The following IL17F variants were observed in gnomAD, a reference collection of about 807,000 sequenced individuals.
IL17F encodes the protein interleukin-17F.
In IL17F, 6 loss-of-function variants were observed where a neutral mutation model predicts 8.3. The ratio of observed to expected loss-of-function variants is 0.73; its 90% CI spans 0.40 to 1.43. The LOEUF (loss-of-function observed/expected upper bound fraction) is 1.43, where lower values mean the gene tolerates loss of function less well. Ranked by LOEUF, IL17F falls within the 40% of genes most tolerant of loss-of-function variation. IL17F has a pLI of 0.02. For synonymous variants in IL17F, 98 were observed against 81.6 expected, an observed-to-expected ratio of 1.20 and a Z score of -1.08; for missense variants, 204 against 209.6, an observed-to-expected ratio of 0.97 and a Z score of 0.17.
In IL17F at chr6:52,238,770, G is replaced by A. The variant is rs764500129; in HGVS notation, c.214C>T (p.Arg72Cys). Residue 72 changes from arginine (R) to cysteine (C), a missense_variant, in exon 2 of 3, where the codon CGT (arginine) becomes TGT (cysteine). Physicochemically the swap from Arg to Cys is radical, Grantham distance 180 (BLOSUM62 -3). Coordinates refer to ENST00000336123, the MANE Select transcript of IL17F (RefSeq NM_052872.4). ...INENQRVSMS[R>C]NIESRSTSPW... ...GAGGTGGAGCGGCTCTCGATGTTACGTGACATGGAAACGCGCTGGTTTTCA... is the reference window on the plus strand; with the variant it reads ...GAGGTGGAGCGGCTCTCGATGTTACATGACATGGAAACGCGCTGGTTTTCA... 3.5e-5 allele frequency: 56 copies of A among 1,614,036 alleles called. No individual in the cohort carries two copies. The Admixed American group carries it at 4.0e-4, about 12-fold the overall frequency.
rs1562359139 is a variant in IL17F at position 52,238,798 on chromosome 6, G to A, written c.186C>T (p.Ile62=). 6.2e-7 allele frequency: 1 copy of A among 1,614,178 alleles called. No homozygotes were observed. Among genetic ancestry groups the A allele is most frequent in the East Asian group, 2.2e-5 (1 of 44,884 alleles). ...ACATGGAAACGCGCTGGTTTTCATT[G>A]ATGATGCCAATGTCAAGCTTCATAC... ...GGSMKLDIGI[I]NENQRVSMSR... Residue 62 remains isoleucine, a synonymous_variant, in exon 2 of 3, where the codon ATC becomes ATT. Coordinates refer to ENST00000336123, the MANE Select transcript of IL17F (RefSeq NM_052872.4).
intron 1 of IL17F, 135 bp downstream of exon 1, chr6:52,244,262 G>T: frequency 1.1e-6 from 1 of 886,498 alleles, no homozygotes; most frequent in Non-Finnish European, 1.9e-6. Context: ...CCAGACAGGA[G>T]TCAAAATTAA....
intron 1 of IL17F, among the ~76,000 whole-genome samples, chr6:52,243,731 C>T (rs990523427): frequency 6.6e-6 from 1 of 152,184 alleles, no homozygotes; most frequent in Non-Finnish European, 1.5e-5. Flanking sequence ...CACACACTAA[C>T]ACCACCTGGG....
At chr6:52,244,158 GT>G (rs1369242032) in intron 1 of IL17F, among the ~76,000 whole-genome samples, 1 of 152,100 alleles carries the variant, frequency 6.6e-6, no homozygotes, top group African/African-American at 2.4e-5. Context: ...GCCTCCTAAA[GT>G]GCTGGGATTA....
At chr6:52,237,195 A>G (rs1255871485) in intron 2 of IL17F, 27 bp from the exon 3 acceptor site, 1 of 1,536,708 alleles carries the variant, frequency 6.5e-7, no homozygotes, top group African/African-American at 1.4e-5. Context: ...CCAAAGCACA[A>G]TGGTGAGGCA....
At chr6:52,244,275 T>C in intron 1 of IL17F, 122 bp downstream of exon 1, 4 of 949,196 alleles carry the variant, frequency 4.2e-6, no homozygotes, top group South Asian at 3.9e-5. Context: ...AAAATTAAAG[T>C]CATCTCTGTT....
chr6:52,241,332 C>T (rs1764070976), intron 1 of IL17F, among the ~76,000 whole-genome samples: 1 of 152,132 alleles, frequency 6.6e-6, no homozygotes, highest in East Asian at 1.9e-4. Flanking sequence ...CCCACCTCGG[C>T]CTCCCAAAAT....
In IL17F at chr6:52,237,125, C is replaced by T. The variant is rs1325665616; in HGVS notation, c.298G>A (p.Ala100Thr). 1 of 1,614,022 alleles carries T rather than the reference C, an allele frequency of 6.2e-7. No homozygotes were observed. Among genetic ancestry groups the T allele is most frequent in the African/African-American group, 1.3e-5 (1 of 74,924 alleles). The part of the protein sequence containing the change: ...PNRYPSEVVQ[A>T]QCRNLGCINA... ...ATGCAGCCCAAGTTCCTACACTGGG[C>T]CTGTACAACTTCCGAGGGGTACCGG... The change falls in exon 3 of 3, where the codon GCC (alanine) becomes ACC (threonine). Residue 100 changes from alanine to threonine, a missense_variant. Transcript: ENST00000336123.
At chr6:52,244,553 T>C (rs983924237), upstream of IL17F, 12 of 920,478 alleles carry the variant, frequency 1.3e-5, no homozygotes, top group African/African-American at 1.1e-4. Flanking sequence ...CTGTTTCGAT[T>C]GACCTGCTTA....
upstream of IL17F, among the ~76,000 whole-genome samples, chr6:52,244,832 A>C (rs745473284): frequency 6.6e-5 from 10 of 152,230 alleles, no homozygotes; most frequent in Non-Finnish European, 1.2e-4. Context: ...CTTGTCACGG[A>C]CCATATGTTC....
chr6:52,240,956 A>G (rs1764064165), intron 1 of IL17F, among the ~76,000 whole-genome samples: 1 of 152,172 alleles, frequency 6.6e-6, no homozygotes, highest in South Asian at 2.1e-4. Flanking sequence ...GCAGCATATG[A>G]TAAGTATCCA....
At position 52,237,157 on chromosome 6, in the gene IL17F, T is replaced by C; in HGVS notation, c.266A>G (p.Asp89Gly). The change falls in exon 3 of 3, where the codon GAC becomes GGC. Residue 89 changes from aspartate (D) to glycine (G), a missense_variant. Asp to Gly is a moderately conservative substitution (Grantham distance 94). Coordinates refer to ENST00000336123, the MANE Select transcript of IL17F (RefSeq NM_052872.4). ...AACTTCCGAGGGGTACCGGTTGGGG[T>C]CCCAAGTGACACTGCAGGAGGAGCA... The part of the protein sequence containing the change: ...TSPWNYTVTW[D>G]PNRYPSEVVQ... The C allele has an allele frequency of 6.2e-7, 1 of 1,613,646 alleles. No individual in the cohort carries two copies. Among genetic ancestry groups the C allele is most frequent in the South Asian group, 1.1e-5 (1 of 91,012 alleles).
chr6:52,243,933 T>G (rs1764114973), intron 1 of IL17F, among the ~76,000 whole-genome samples: 1 of 152,206 alleles, frequency 6.6e-6, no homozygotes, highest in Non-Finnish European at 1.5e-5. Flanking sequence ...AGCTAATTTT[T>G]GTATTTTTAG....
At chr6:52,240,158 C>T (rs145396983) in intron 1 of IL17F, among the ~76,000 whole-genome samples, 53 of 152,280 alleles carry the variant, frequency 3.5e-4, no homozygotes, top group African/African-American at 1.2e-3. Context: ...AGCTGAAGGC[C>T]GGGTGCAGTG....
chr6:52,237,758 A>G (rs1317981673), intron 2 of IL17F, among the ~76,000 whole-genome samples: 1 of 152,110 alleles, frequency 6.6e-6, no homozygotes, highest in Non-Finnish European at 1.5e-5. Flanking sequence ...CCACCAGGTT[A>G]CTTGAGGGTG....
In IL17F at chr6:52,237,099, G is replaced by A. The variant is rs763865065; in HGVS notation, c.324C>T (p.Ile108=). The A allele has an allele frequency of 1.2e-6, 2 of 1,614,204 alleles. No individual in the cohort carries two copies. Among genetic ancestry groups the A allele is most frequent in the African/African-American group, 1.3e-5 (1 of 75,050 alleles). Residue 108 remains isoleucine (I), a synonymous_variant, in exon 3 of 3, where the codon ATC becomes ATT. Coordinates refer to ENST00000336123, the MANE Select transcript of IL17F (RefSeq NM_052872.4). ...VQAQCRNLGC[I]NAQGKEDISM... Reference sequence around the variant, plus strand: ...AGATGTCTTCCTTTCCTTGAGCATTGATGCAGCCCAAGTTCCTACACTGGG... The same window carrying A: ...AGATGTCTTCCTTTCCTTGAGCATTAATGCAGCCCAAGTTCCTACACTGGG...
At chr6:52,238,630 C>G in intron 2 of IL17F, 100 bp downstream of exon 2, 1 of 1,089,402 alleles carries the variant, frequency 9.2e-7, no homozygotes, top group Non-Finnish European at 1.4e-6. Flanking sequence ...AGGATTTTCC[C>G]TTTTATTTTT....
chr6:52,245,380 G>C (rs557501426), upstream of IL17F, among the ~76,000 whole-genome samples: 7 of 152,348 alleles, frequency 4.6e-5, no homozygotes, highest in African/African-American at 1.7e-4. Context: ...TCAAGTTCAG[G>C]TTCCCACAAA....
intron 1 of IL17F, among the ~76,000 whole-genome samples, chr6:52,240,772 A>G (rs1404327673): frequency 6.6e-6 from 1 of 152,110 alleles, no homozygotes; most frequent in Non-Finnish European, 1.5e-5. Context: ...CATTCATTCA[A>G]CAACTAGCTC....
Sources: allele counts gnomAD v4.1 joint callset (sites outside exome capture counted in the v4.1 genomes callset), GRCh38; gene constraint gnomAD v4.1.1; transcripts MANE v1.5; gene names NCBI Gene and HGNC (gene_info 2026-07-23, HGNC 2026-07-21).